The following MBNL1 variants were observed in gnomAD, a reference collection of about 807,000 sequenced individuals.
MBNL1 encodes muscleblind-like protein 1.
MBNL1 carries 8 observed loss-of-function variants against 42.2 expected under a neutral mutation model. That is an observed-to-expected ratio of 0.19 (90% CI 0.11 to 0.34). MBNL1 has a LOEUF of 0.34. Ranked by LOEUF, MBNL1 falls within the 10% of genes least tolerant of loss-of-function variation. The pLI, the probability that MBNL1 is intolerant of heterozygous loss-of-function variation, is 1.00. For missense variants in MBNL1, 309 were observed against 495.3 expected (o/e 0.62, Z 3.57); for synonymous variants, 169 against 173.9 (o/e 0.97, Z 0.22).
chr3:152,457,959 T>C (rs1192555466), intron 8 of MBNL1: 12 of 569,282 alleles, frequency 2.1e-5, no homozygotes, highest in South Asian at 1.2e-4. Flanking sequence ...GATATATATA[T>C]ACACACATAT....
At chr3:152,287,276 A>G (rs1322755326) in intron 1 of MBNL1, among the ~76,000 whole-genome samples, 1 of 152,134 alleles carries the variant, frequency 6.6e-6, no homozygotes, top group African/African-American at 2.4e-5. Flanking sequence ...AGTGGCATGC[A>G]TGATTTAAAA....
intron 8 of MBNL1, among the ~76,000 whole-genome samples, chr3:152,457,500 G>T (rs973081151): frequency 6.6e-6 from 1 of 152,184 alleles, no homozygotes; most frequent in South Asian, 2.1e-4. Flanking sequence ...TCAGCTATTA[G>T]TACAGCCATT....
chr3:152,287,271 C>T (rs2053090970), intron 1 of MBNL1, among the ~76,000 whole-genome samples: 1 of 151,842 alleles, frequency 6.6e-6, no homozygotes, highest in African/African-American at 2.4e-5. Flanking sequence ...TGTGCAGTGG[C>T]ATGCATGATT....
At chr3:152,295,152 A>C (rs886189220) in intron 1 of MBNL1, among the ~76,000 whole-genome samples, 9 of 152,188 alleles carry the variant, frequency 5.9e-5, no homozygotes, top group African/African-American at 2.2e-4. Context: ...TTTACAATTA[A>C]ATGGTACAAA....
intron 2 of MBNL1, among the ~76,000 whole-genome samples, chr3:152,351,437 T>A (rs1995250): frequency 0.071 from 10,836 of 152,242 alleles, 507 homozygotes; most frequent in Middle Eastern, 0.16. Flanking sequence ...GCCTCTCATG[T>A]AGAAAACATG....
At chr3:152,325,395 C>T (rs1020431119) in intron 2 of MBNL1, among the ~76,000 whole-genome samples, 1 of 151,952 alleles carries the variant, frequency 6.6e-6, no homozygotes, top group Non-Finnish European at 1.5e-5. Flanking sequence ...ATGCCTGACA[C>T]GTAGTAGACT....
intron 1 of MBNL1, among the ~76,000 whole-genome samples, chr3:152,297,431 C>T (rs1307246261): frequency 6.6e-6 from 1 of 150,900 alleles, no homozygotes; most frequent in African/African-American, 2.4e-5. Context: ...GCAACATTCA[C>T]CTCCCAGGTT....
chr3:152,340,639 G>A, intron 2 of MBNL1: 1 of 1,613,962 alleles, frequency 6.2e-7, no homozygotes, highest in Non-Finnish European at 8.5e-7. Context: ...AAACCCACAA[G>A]CGTAAATGTT....
At position 152,465,089 on chromosome 3, in the gene MBNL1, C is replaced by CG. The variant is rs1266158641; in HGVS notation, c.*2723_*2724insG. 6.6e-6 allele frequency: 1 copy of CG among 152,454 alleles called. No individual in the cohort carries two copies. Among genetic ancestry groups the CG allele is most frequent in the African/African-American group, 2.4e-5 (1 of 41,382 alleles). The allele number at this position is 152,454 out of a possible 1,614,324, so 9.4% of individuals were successfully genotyped here. On this transcript the variant is annotated 3_prime_UTR_variant, in exon 10 of 10. Coordinates refer to ENST00000324210, the MANE Select transcript of MBNL1 (RefSeq NM_021038.5). ...ATGACTGACAAAAACTCCATGGGGCCAAATCTGCCTGAAGATCATTACCAA... is the reference window on the plus strand; with the variant it reads ...ATGACTGACAAAAACTCCATGGGGCCGAAATCTGCCTGAAGATCATTACCAA...
chr3:152,325,744 T>C (rs1286844936), intron 2 of MBNL1, among the ~76,000 whole-genome samples: 1 of 148,730 alleles, frequency 6.7e-6, no homozygotes, highest in Non-Finnish European at 1.5e-5. Context: ...GTTAGAAATA[T>C]TAAAAAAAAA....
chr3:152,264,052 A>G (rs2036774965), upstream of MBNL1: 1 of 150,990 alleles, frequency 6.6e-6, no homozygotes, highest in Non-Finnish European at 1.5e-5. Flanking sequence ...ATCCTGTTTC[A>G]CACAACCTTC....
At chr3:152,348,702 A>C (rs1268647516) in intron 2 of MBNL1, among the ~76,000 whole-genome samples, 1 of 152,162 alleles carries the variant, frequency 6.6e-6, no homozygotes, top group Non-Finnish European at 1.5e-5. Context: ...GTGGGTTAAG[A>C]AAATTATAGC....
chr3:152,303,178 A>G (rs1417222230), intron 2 of MBNL1, among the ~76,000 whole-genome samples: 1 of 152,160 alleles, frequency 6.6e-6, no homozygotes, highest in Non-Finnish European at 1.5e-5. Flanking sequence ...ATTTAAATAT[A>G]CCGTATGTAA....
intron 1 of MBNL1, among the ~76,000 whole-genome samples, chr3:152,278,997 G>A (rs549017981): frequency 6.6e-6 from 1 of 152,278 alleles, no homozygotes; most frequent in South Asian, 2.1e-4. Flanking sequence ...GGAAGTTTTT[G>A]TGGAACTGAA....
chr3:152,460,891 T>TA (rs1744587440), intron 9 of MBNL1, among the ~76,000 whole-genome samples: 1 of 152,106 alleles, frequency 6.6e-6, no homozygotes, highest in East Asian at 1.9e-4. Flanking sequence ...GGCAAGGAGA[T>TA]AAAGGTAAAT....
chr3:152,460,022 G>A (rs1365365926), intron 9 of MBNL1, among the ~76,000 whole-genome samples: 1 of 152,070 alleles, frequency 6.6e-6, no homozygotes, highest in Non-Finnish European at 1.5e-5. Flanking sequence ...GGGAGGCCAA[G>A]GTGGGTGGAT....
chr3:152,313,813 C>G (rs2068622803), intron 2 of MBNL1, among the ~76,000 whole-genome samples: 1 of 152,168 alleles, frequency 6.6e-6, no homozygotes, highest in African/African-American at 2.4e-5. Context: ...AAAATAACCC[C>G]TTAACCTCTT....
upstream of MBNL1, chr3:152,264,773 G>T (rs2036908712): frequency 6.6e-6 from 1 of 152,024 alleles, no homozygotes; most frequent in South Asian, 2.1e-4. Context: ...CAACTTTTAG[G>T]TAAAATAACT....
At chr3:152,408,050 A>G (rs1237079497) in intron 2 of MBNL1, among the ~76,000 whole-genome samples, 1 of 152,156 alleles carries the variant, frequency 6.6e-6, no homozygotes, top group Non-Finnish European at 1.5e-5. Context: ...GTTAATACCT[A>G]GGTGATGGAT....
Sources: gnomAD v4.1 joint callset for allele counts (sites outside exome capture counted in the v4.1 genomes callset) on GRCh38, gnomAD v4.1.1 for gene constraint, MANE v1.5 for transcripts, NCBI Gene and HGNC (gene_info 2026-07-23, HGNC 2026-07-21) for gene names.